The following KAZN variants were observed in gnomAD, a reference collection of about 807,000 sequenced individuals.
KAZN encodes the protein kazrin, periplakin interacting protein.
A neutral mutation model predicts 87.4 loss-of-function variants in KAZN; 40 were observed. The observed-to-expected ratio is 0.46, with a 90% confidence interval of 0.36 to 0.60. The LOEUF is 0.60. Ranked by LOEUF, KAZN falls within the 20% of genes least tolerant of loss-of-function variation. The pLI is 0.00. For missense variants in KAZN, 898 were observed against 1,073.9 expected (o/e 0.84, Z 2.29); for synonymous variants, 466 against 458.3 (o/e 1.02, Z -0.22).
chr1:14,200,026 A>C (rs1646606701), intron 2 of KAZN, among the ~76,000 whole-genome samples: 1 of 152,102 alleles, frequency 6.6e-6, no homozygotes, highest in Non-Finnish European at 1.5e-5. Flanking sequence ...ATCACAGATA[A>C]AAGTAGTTAA....
intron 1 of KAZN, among the ~76,000 whole-genome samples, chr1:14,788,474 C>A (rs1455512099): frequency 6.6e-6 from 1 of 152,124 alleles, no homozygotes; most frequent in Non-Finnish European, 1.5e-5. Context: ...AGGCAGCCTT[C>A]AAGAATAGTC....
rs116271643 is a variant in KAZN at position 14,820,022 on chromosome 1, A to G, written c.227-140662A>G. Reference sequence around the variant, plus strand: ...CTGTGCCTGGCCCGAAAAAAAATCTATTTATATATATATAGTCCACCCTCA... The same window carrying G: ...CTGTGCCTGGCCCGAAAAAAAATCTGTTTATATATATATAGTCCACCCTCA... On this transcript the variant is annotated intron_variant, in intron 1 of 14. Transcript: ENST00000376030. The surrounding 1 kb of genome is among the most constrained non-coding windows in gnomAD (Gnocchi z 4.1). Among the ~76,000 whole-genome samples, 764 of 152,124 alleles carry G rather than the reference A, an allele frequency of 5.0e-3. 1 individual carries two copies. The highest frequency in any genetic ancestry group is 8.2e-3 in the Admixed American group (125 of 15,278).
intron 2 of KAZN, among the ~76,000 whole-genome samples, chr1:14,544,320 G>GT (rs772405367): frequency 7.9e-4 from 86 of 108,834 alleles, no homozygotes; most frequent in East Asian, 1.5e-3. Context: ...GAGATTTGGG[G>GT]TTTTTTTTTT....
rs937235269 is a variant in KAZN at position 15,066,771 on chromosome 1, T to C, written c.1222+1018T>C. The C allele has an allele frequency of 1.7e-4, 169 of 985,332 alleles. No individual in the cohort carries two copies. Among genetic ancestry groups the C allele is most frequent in the Non-Finnish European group, 1.9e-4 (155 of 829,980 alleles). The allele number at this position is 985,332 out of a possible 1,614,324, so 61.0% of individuals were successfully genotyped here. ...TAGGGTGGCCAGAACCCAGGGACCATTGGATTTCAAAGCTTGCTTTTTCTG... is the reference window on the plus strand; with the variant it reads ...TAGGGTGGCCAGAACCCAGGGACCACTGGATTTCAAAGCTTGCTTTTTCTG... On this transcript the variant is annotated intron_variant, in intron 8 of 14. Transcript: ENST00000376030. This position sits in a 1 kb window ranked among gnomAD's most constrained non-coding sequence, Gnocchi z 4.3.
chr1:14,573,766 C>CT (rs769543505), intron 2 of KAZN, among the ~76,000 whole-genome samples: 11 of 152,004 alleles, frequency 7.2e-5, no homozygotes, highest in Middle Eastern at 3.4e-3. Flanking sequence ...CATTCTCAGG[C>CT]TTTTTTTTAC....
intron 1 of KAZN, among the ~76,000 whole-genome samples, chr1:14,680,637 G>A (rs777051908): frequency 3.3e-5 from 5 of 151,732 alleles, no homozygotes; most frequent in East Asian, 1.9e-4. Context: ...AACAGGCCCC[G>A]GTGTGTGATG....
intron 1 of KAZN, among the ~76,000 whole-genome samples, chr1:14,872,999 C>CATGGATGGATGG (rs150273318): frequency 1.7e-4 from 24 of 140,732 alleles, no homozygotes; most frequent in African/African-American, 5.6e-4. Context: ...TAGAAGGATA[C>CATGGATGGATGG]ATGGATGGAT....
At chr1:14,227,782 A>G (rs1000471314) in intron 2 of KAZN, among the ~76,000 whole-genome samples, 2 of 152,214 alleles carry the variant, frequency 1.3e-5, no homozygotes, top group Admixed American at 6.5e-5. Context: ...CGGTCTTTCT[A>G]TGAATTACAC....
At chr1:14,205,064 T>C (rs1183604535) in intron 2 of KAZN, among the ~76,000 whole-genome samples, 1 of 152,164 alleles carries the variant, frequency 6.6e-6, no homozygotes, top group East Asian at 1.9e-4. Flanking sequence ...TGCTTCTATC[T>C]CCAATTCTTC....
chr1:14,107,241 T>C (rs993271828), intron 1 of KAZN, among the ~76,000 whole-genome samples: 11 of 151,638 alleles, frequency 7.3e-5, no homozygotes, highest in Admixed American at 2.0e-4. Context: ...CGGGCAGTGA[T>C]CCACCCCTGT....
intron 2 of KAZN, among the ~76,000 whole-genome samples, chr1:14,526,510 C>T (rs1204163938): frequency 6.6e-6 from 1 of 152,206 alleles, no homozygotes; most frequent in Non-Finnish European, 1.5e-5. Flanking sequence ...GCCACGTAAG[C>T]TACAAAGTTT....
At chr1:14,318,686 A>G (rs1655825068) in intron 2 of KAZN, among the ~76,000 whole-genome samples, 1 of 152,044 alleles carries the variant, frequency 6.6e-6, no homozygotes, top group Admixed American at 6.6e-5. Flanking sequence ...AGATCACTCG[A>G]TATTGTCGTG....
At chr1:14,361,371 CTG>C (rs1446459917) in intron 2 of KAZN, among the ~76,000 whole-genome samples, 1 of 152,244 alleles carries the variant, frequency 6.6e-6, no homozygotes, top group African/African-American at 2.4e-5. Context: ...TTGCTGGGCT[CTG>C]TGGTGGTGGG....
At chr1:14,941,396 C>G (rs751080850) in intron 1 of KAZN, among the ~76,000 whole-genome samples, 2 of 152,144 alleles carry the variant, frequency 1.3e-5, no homozygotes, top group Non-Finnish European at 2.9e-5. Context: ...AACATGGGCA[C>G]TCAGCCGAGA....
intron 1 of KAZN, among the ~76,000 whole-genome samples, chr1:14,026,595 T>C (rs1018565136): frequency 2.6e-5 from 4 of 152,190 alleles, no homozygotes; most frequent in Non-Finnish European, 4.4e-5. Context: ...TTTGCCCTGC[T>C]CCAGGAAAGC....
chr1:14,415,967 T>C (rs1424926439), intron 2 of KAZN, among the ~76,000 whole-genome samples: 3 of 152,110 alleles, frequency 2.0e-5, no homozygotes, highest in Non-Finnish European at 1.5e-5. Flanking sequence ...CTCCAGGGGC[T>C]GTAGTCAGGT....
At chr1:13,976,293 G>C (rs190412786) in intron 1 of KAZN, among the ~76,000 whole-genome samples, 1 of 152,294 alleles carries the variant, frequency 6.6e-6, no homozygotes, top group Non-Finnish European at 1.5e-5. Context: ...ATAAAAATCT[G>C]TAATGTAACG....
chr1:14,031,936 G>A (rs577659800), intron 1 of KAZN, among the ~76,000 whole-genome samples: 1 of 152,268 alleles, frequency 6.6e-6, no homozygotes, highest in Admixed American at 6.5e-5. Flanking sequence ...ACAGCTGCCT[G>A]AATTGCTGGG....
intron 1 of KAZN, among the ~76,000 whole-genome samples, chr1:14,600,822 T>G (rs888620802): frequency 6.6e-6 from 1 of 152,232 alleles, no homozygotes; most frequent in Non-Finnish European, 1.5e-5. Context: ...CTCGTTTATT[T>G]CCCACTGTCT....
Sources: allele counts gnomAD v4.1 joint callset (sites outside exome capture counted in the v4.1 genomes callset), GRCh38; gene constraint gnomAD v4.1.1; non-coding constraint Gnocchi (gnomAD v3.1); transcripts MANE v1.5; gene names NCBI Gene and HGNC (gene_info 2026-07-23, HGNC 2026-07-21).